SNAI2: variants seen among roughly 807,000 people sequenced by gnomAD.
SNAI2 encodes the protein snail family transcriptional repressor 2.
SNAI2 carries 2 observed loss-of-function variants against 22.4 expected under a neutral mutation model. That is an observed-to-expected ratio of 0.09 (90% CI 0.04 to 0.28). The LOEUF is 0.28. Among genes scored for constraint, SNAI2 ranks in the 10% least tolerant of loss-of-function variants. The pLI, the probability that SNAI2 is intolerant of heterozygous loss-of-function variation, is 1.00. For synonymous variants in SNAI2, 134 were observed against 123.0 expected (o/e 1.09, Z -0.59); for missense variants, 239 against 320.8 (o/e 0.75, Z 1.95).
Position 48,921,334 on chromosome 8 carries a change from A to G in SNAI2, c.-69T>C. On this transcript the variant is annotated 5_prime_UTR_variant, in exon 1 of 3. Coordinates refer to ENST00000020945, the MANE Select transcript of SNAI2 (RefSeq NM_003068.5). Reference sequence around the variant, plus strand: ...GGCGGGAGGACACGGCGGTCCCTACAGCATCGCGGCGGGCCAGGCTCGGGC... The same window carrying G: ...GGCGGGAGGACACGGCGGTCCCTACGGCATCGCGGCGGGCCAGGCTCGGGC... 8.0e-7 allele frequency: 1 copy of G among 1,252,542 alleles called. No individual in the cohort carries two copies. Among genetic ancestry groups the G allele is most frequent in the Non-Finnish European group, 1.2e-6 (1 of 861,234 alleles). 77.6% of individuals were successfully genotyped at this position (1,252,542 alleles called of 1,614,324 possible).
chr8:48,917,743 C>A lies in SNAI2; in HGVS notation c.*1064G>T, dbSNP rs531436172. On this transcript the variant is annotated 3_prime_UTR_variant, in exon 3 of 3. Coordinates refer to ENST00000020945, the MANE Select transcript of SNAI2 (RefSeq NM_003068.5). ...GTACTAATCATGAAGCAAGTAAAGT[C>A]TCTGAAAATAGTATACAAACGAGAT... 2.0e-5 allele frequency: 3 copies of A among 152,004 alleles called. No homozygotes were observed. Among genetic ancestry groups the A allele is most frequent in the African/African-American group, 7.2e-5 (3 of 41,406 alleles). The allele number at this position is 152,004 out of a possible 1,614,324, so 9.4% of individuals were successfully genotyped here.
At position 48,920,268 on chromosome 8, in the gene SNAI2, G is replaced by C. The variant is rs146310523; in HGVS notation, c.253C>G (p.Arg85Gly). The C allele has an allele frequency of 1.9e-6, 3 of 1,613,832 alleles. No individual in the cohort carries two copies. The highest frequency in any genetic ancestry group is 1.7e-5 in the Admixed American group (1 of 59,994). ...TCAGATGGAGGAGGGGGACTCACTC[G>C]CCCCAAAGATGAGGAGTATCCGGAA... ...PLSGYSSSLG[R>G]VSPPPPSDTS... The change falls in exon 2 of 3, where the codon CGA becomes GGA. Residue 85 changes from arginine to glycine, a missense_variant. Coordinates refer to ENST00000020945, the MANE Select transcript of SNAI2 (RefSeq NM_003068.5).
intron 2 of SNAI2, among the ~76,000 whole-genome samples, chr8:48,919,253 T>G (rs2117647850): frequency 6.6e-6 from 1 of 152,306 alleles, no homozygotes; most frequent in Admixed American, 6.5e-5. Flanking sequence ...GGACTTTCAC[T>G]TCTTAAAGCT....
chr8:48,919,858 T>TC (rs1806135351), intron 2 of SNAI2, 38 bp downstream of exon 2: 1 of 1,599,998 alleles, frequency 6.3e-7, no homozygotes, highest in South Asian at 1.1e-5. Flanking sequence ...CTTCATTGTA[T>TC]CTCAGAGTAA....
rs1002435978 is a variant in SNAI2, at chr8:48,918,001, C to T, written c.*806G>A. ...ATTGTATTATTGCATTTGTGGTATG[C>T]ATTTGAAATAGTTTAAGTACATTAA... On this transcript the variant is annotated 3_prime_UTR_variant, in exon 3 of 3. Coordinates refer to ENST00000020945, the MANE Select transcript of SNAI2 (RefSeq NM_003068.5). 1 of 152,132 alleles carries T rather than the reference C, an allele frequency of 6.6e-6. No individual in the cohort carries two copies. The highest frequency in any genetic ancestry group is 2.4e-5 in the African/African-American group (1 of 41,434). 9.4% of individuals were successfully genotyped at this position (152,132 alleles called of 1,614,324 possible).
chr8:48,919,918 T>C lies in SNAI2; in HGVS notation c.603A>G (p.Gln201=). Reference sequence around the variant, plus strand: ...TACCCGTGTGAGTTCTAATGTGTCCTTGAAGCAACCAGGGTCTGGAAAACG... The same window carrying C: ...TACCCGTGTGAGTTCTAATGTGTCCCTGAAGCAACCAGGGTCTGGAAAACG... The part of the protein sequence containing the change: ...GKAFSRPWLL[Q]GHIRTHTGEK... Residue 201 remains glutamine (Q), a synonymous_variant, in exon 2 of 3, where the codon CAA becomes CAG. Transcript: ENST00000020945. 11 of 1,614,090 alleles carry C rather than the reference T, an allele frequency of 6.8e-6. No homozygotes were observed. Among genetic ancestry groups the C allele is most frequent in the Non-Finnish European group, 8.5e-6 (10 of 1,180,024 alleles).
chr8:48,920,987 G>C (rs114997499), intron 1 of SNAI2, among the ~76,000 whole-genome samples, 200 bp downstream of exon 1: 3 of 152,166 alleles, frequency 2.0e-5, no homozygotes, highest in African/African-American at 4.8e-5. Context: ...AATGTTCCTT[G>C]TTAGTCAAGA....
Position 48,920,432 on chromosome 8 carries a change from G to A in SNAI2, c.89C>T (p.Ser30Phe). The change falls in exon 2 of 3, where the codon TCC (serine) becomes TTC (phenylalanine). Residue 30 changes from serine to phenylalanine, a missense_variant. Physicochemically the swap from Ser to Phe is radical, Grantham distance 155 (BLOSUM62 -2). Around this residue, in one of 3 missense-constraint regions of SNAI2, gnomAD observed 183 missense variants for 190.4 expected, o/e 0.96. Transcript: ENST00000020945. ...GGAGTAACTCTCATAGAGATACGGG[G>A]AAATAATCACTGGGAAAGAAAAGGG... Reference protein sequence around the residue: ...SELDTHTVIISPYLYESYSMP... With the variant: ...SELDTHTVIIFPYLYESYSMP... The A allele has an allele frequency of 6.2e-7, 1 of 1,613,892 alleles. No homozygotes were observed.
chr8:48,921,386 G>T lies in SNAI2; in HGVS notation c.-121C>A, dbSNP rs377272066. 9.0e-6 allele frequency: 7 copies of T among 778,880 alleles called. No individual in the cohort carries two copies. Among genetic ancestry groups the T allele is most frequent in the African/African-American group, 1.7e-5 (1 of 59,038 alleles). The allele number at this position is 778,880 out of a possible 1,614,324, so 48.2% of individuals were successfully genotyped here. On this transcript the variant is annotated 5_prime_UTR_variant, in exon 1 of 3. Coordinates refer to ENST00000020945, the MANE Select transcript of SNAI2 (RefSeq NM_003068.5). ...GGGGCCGTGCTCAGGTGCGGCAGACGGACGGGCCGGCGCCTCTGAAGTCAC... is the reference window on the plus strand; with the variant it reads ...GGGGCCGTGCTCAGGTGCGGCAGACTGACGGGCCGGCGCCTCTGAAGTCAC...
In SNAI2 at chr8:48,921,299, A is replaced by T; in HGVS notation, c.-34T>A. The stretch of plus-strand genomic sequence containing the variant: ...CGGGTCTGGCGGGCGCCCGGCGCGG[A>T]TAACGGTCCGGCGGGAGGACACGGC... On this transcript the variant is annotated 5_prime_UTR_variant, in exon 1 of 3. Coordinates refer to ENST00000020945, the MANE Select transcript of SNAI2 (RefSeq NM_003068.5). 1.9e-6 allele frequency: 3 copies of T among 1,561,170 alleles called. No individual in the cohort carries two copies. The highest frequency in any genetic ancestry group is 2.6e-6 in the Non-Finnish European group (3 of 1,136,608).
At position 48,920,231 on chromosome 8, in the gene SNAI2, T is replaced by C; in HGVS notation, c.290A>G (p.Lys97Arg). ...GGGGCTTTCTGAGCCACTGTGGTCCTTGGAGGAGGTGTCAGATGGAGGAGG... is the reference window on the plus strand; with the variant it reads ...GGGGCTTTCTGAGCCACTGTGGTCCCTGGAGGAGGTGTCAGATGGAGGAGG... ...SPPPPSDTSS[K>R]DHSGSESPIS... Residue 97 changes from lysine to arginine, a missense_variant, in exon 2 of 3, where the codon AAG (lysine) becomes AGG (arginine). Physicochemically the swap from Lys to Arg is conservative, Grantham distance 26. Transcript: ENST00000020945. 6.2e-7 allele frequency: 1 copy of C among 1,614,166 alleles called. No individual in the cohort carries two copies.
intron 1 of SNAI2, 112 bp from the exon 2 acceptor site, chr8:48,920,553 T>G (rs907560829): frequency 2.0e-5 from 21 of 1,024,646 alleles, no homozygotes; most frequent in Non-Finnish European, 2.8e-5. Flanking sequence ...CGTGATTTTC[T>G]TAGGAAGAAG....
In SNAI2 at chr8:48,921,321, C is replaced by T; in HGVS notation, c.-56G>A. The T allele has an allele frequency of 1.5e-6, 2 of 1,366,116 alleles. No homozygotes were observed. The highest frequency in any genetic ancestry group is 2.1e-6 in the Non-Finnish European group (2 of 962,782). 84.6% of individuals were successfully genotyped at this position (1,366,116 alleles called of 1,614,324 possible). On this transcript the variant is annotated 5_prime_UTR_variant, in exon 1 of 3. It adds an upstream start codon to the 5' untranslated region. Coordinates refer to ENST00000020945, the MANE Select transcript of SNAI2 (RefSeq NM_003068.5). ...CGGATAACGGTCCGGCGGGAGGACA[C>T]GGCGGTCCCTACAGCATCGCGGCGG...
In SNAI2 at chr8:48,921,401, T is replaced by C; in HGVS notation, c.-136A>G. The C allele has an allele frequency of 1.4e-6, 1 of 724,850 alleles. No individual in the cohort carries two copies. Among genetic ancestry groups the C allele is most frequent in the South Asian group, 1.5e-5 (1 of 66,518 alleles). 44.9% of individuals were successfully genotyped at this position (724,850 alleles called of 1,614,324 possible). The stretch of plus-strand genomic sequence containing the variant: ...TGCGGCAGACGGACGGGCCGGCGCC[T>C]CTGAAGTCACCCGGCTCCTTTACGA... On this transcript the variant is annotated 5_prime_UTR_variant, in exon 1 of 3. Transcript: ENST00000020945.
rs11774894 is a variant in SNAI2 at position 48,920,718 on chromosome 8, G to A, written c.80-277C>T. Among the ~76,000 whole-genome samples, 6,046 of 152,230 alleles carry A rather than the reference G, an allele frequency of 0.04. 182 individuals are homozygous for A. The highest frequency in any genetic ancestry group is 0.057 in the Non-Finnish European group (3,886 of 68,000). On this transcript the variant is annotated intron_variant, in intron 1 of 2. Transcript: ENST00000020945. Reference sequence around the variant, plus strand: ...ACAGTGCAGCCAAGCCAGTGCCTTCGCCGTCCCCATTGAGGAAGGAGAGCC... The same window carrying A: ...ACAGTGCAGCCAAGCCAGTGCCTTCACCGTCCCCATTGAGGAAGGAGAGCC...
chr8:48,919,251 ACTT>A (rs982510129), intron 2 of SNAI2, among the ~76,000 whole-genome samples: 35 of 152,192 alleles, frequency 2.3e-4, no homozygotes, highest in African/African-American at 8.0e-4. Context: ...TTGGACTTTC[ACTT>A]CTTAAAGCTT....
Position 48,921,375 on chromosome 8 carries a change from G to T in SNAI2, c.-110C>A. ...AGGCTCGGGCAGGGGCCGTGCTCAG[G>T]TGCGGCAGACGGACGGGCCGGCGCC... On this transcript the variant is annotated 5_prime_UTR_variant, in exon 1 of 3. Coordinates refer to ENST00000020945, the MANE Select transcript of SNAI2 (RefSeq NM_003068.5). 2.4e-6 allele frequency: 2 copies of T among 850,110 alleles called. No individual in the cohort carries two copies. The highest frequency in any genetic ancestry group is 4.0e-6 in the Non-Finnish European group (2 of 503,792). 52.7% of individuals were successfully genotyped at this position (850,110 alleles called of 1,614,324 possible).
chr8:48,920,504 C>A, intron 1 of SNAI2, 63 bp from the exon 2 acceptor site: 1 of 1,344,230 alleles, frequency 7.4e-7, no homozygotes, highest in Non-Finnish European at 1.1e-6. Context: ...AATCCACACG[C>A]AAGTATACAC....
At position 48,918,625 on chromosome 8, in the gene SNAI2, T is replaced by C; in HGVS notation, c.*182A>G. 1 of 625,158 alleles carries C rather than the reference T, an allele frequency of 1.6e-6. No homozygotes were observed. Among genetic ancestry groups the C allele is most frequent in the Non-Finnish European group, 2.8e-6 (1 of 352,124 alleles). 38.7% of individuals were successfully genotyped at this position (625,158 alleles called of 1,614,324 possible). A position where few individuals can be genotyped will look rare whatever the true frequency, so the allele number is the denominator to read the frequency against. The stretch of plus-strand genomic sequence containing the variant: ...ATGGAAAGGATTATCTTTAAACACA[T>C]GAATTCCATGCTCTTGCAGCTCTCT... On this transcript the variant is annotated 3_prime_UTR_variant, in exon 3 of 3. Coordinates refer to ENST00000020945, the MANE Select transcript of SNAI2 (RefSeq NM_003068.5).
Sources: allele counts gnomAD v4.1 joint callset (sites outside exome capture counted in the v4.1 genomes callset), GRCh38; gene constraint gnomAD v4.1.1; regional missense constraint gnomAD v4.1.1; transcripts MANE v1.5; gene names NCBI Gene and HGNC (gene_info 2026-07-23, HGNC 2026-07-21).